ADCY6: variants seen among roughly 807,000 people sequenced by gnomAD.
ADCY6 encodes adenylate cyclase type 6.
ADCY6 carries 59 observed loss-of-function variants against 111.6 expected under a neutral mutation model. The ratio of observed to expected loss-of-function variants is 0.53; its 90% CI spans 0.43 to 0.66. The LOEUF (loss-of-function observed/expected upper bound fraction) is 0.66, where lower values mean the gene tolerates loss of function less well. ADCY6 is among the 30% of genes least tolerant of loss of function. The pLI is 0.00. For missense variants in ADCY6, 1,242 were observed against 1,595.6 expected (o/e 0.78, Z 3.78); for synonymous variants, 576 against 642.9 (o/e 0.90, Z 1.57).
At chr12:48,770,667 G>T in intron 20 of ADCY6, 99 bp downstream of exon 20, 2 of 1,236,102 alleles carry the variant, frequency 1.6e-6, no homozygotes, top group Non-Finnish European at 2.3e-6. Flanking sequence ...CCCCACAGGA[G>T]CCCTGATGGG....
intron 20 of ADCY6, among the ~76,000 whole-genome samples, chr12:48,769,332 G>T (rs1268542751): frequency 1.4e-5 from 2 of 144,706 alleles, no homozygotes; most frequent in African/African-American, 5.1e-5. Flanking sequence ...AGAATAGATT[G>T]ATTGAGCCTG....
At chr12:48,770,617 T>C (rs1941510096) in intron 20 of ADCY6, 149 bp downstream of exon 20, 2 of 742,708 alleles carry the variant, frequency 2.7e-6, no homozygotes, top group East Asian at 2.5e-5. Flanking sequence ...ATCTCTGTTC[T>C]TAATATCAGA....
chr12:48,776,520 G>A lies in ADCY6; in HGVS notation c.1443C>T (p.His481=). 2 of 1,613,958 alleles carry A rather than the reference G, an allele frequency of 1.2e-6. No homozygotes were observed. Among genetic ancestry groups the A allele is most frequent in the Non-Finnish European group, 1.7e-6 (2 of 1,180,024 alleles). The change falls in exon 7 of 22, where the codon CAC becomes CAT. Residue 481 remains histidine (H), a synonymous_variant. Coordinates refer to ENST00000357869, the MANE Select transcript of ADCY6 (RefSeq NM_015270.5). This position sits in a 1 kb window ranked among gnomAD's most constrained non-coding sequence, Gnocchi z 6.1. ...ATTTCCGCAAGCCAAGGACGCCGCA[G>A]TGCACGCGCCCGCTGTGGATGCCCA... ...MRVGIHSGRV[H]CGVLGLRKWQ...
chr12:48,778,872 A>ATTTTTTTTTTTTTTTT (rs1037254707), intron 2 of ADCY6, among the ~76,000 whole-genome samples: 8 of 72,414 alleles, frequency 1.1e-4, no homozygotes, highest in African/African-American at 4.8e-4. Flanking sequence ...TGAATAACAC[A>ATTTTTTTTTTTTTTTT]TTTTTTTTTT....
chr12:48,768,678 G>A lies in ADCY6; in HGVS notation c.3420C>T (p.Gly1140=). The change falls in exon 22 of 22, where the codon GGC becomes GGT. Residue 1140 remains glycine (G), a synonymous_variant. Coordinates refer to ENST00000357869, the MANE Select transcript of ADCY6 (RefSeq NM_015270.5). ...TDLYQVLAAK[G]YQLECRGVVK... The stretch of plus-strand genomic sequence containing the variant: ...CCACCCCTCGACACTCCAGCTGGTA[G>A]CCCTTGGCAGCTAGAACCTGGTACA... 6.2e-7 allele frequency: 1 copy of A among 1,614,164 alleles called. No individual in the cohort carries two copies. The highest frequency in any genetic ancestry group is 8.5e-7 in the Non-Finnish European group (1 of 1,180,022).
intron 9 of ADCY6, 115 bp from the exon 10 acceptor site, chr12:48,775,813 G>C (rs1171385514): frequency 6.6e-7 from 1 of 1,507,316 alleles, no homozygotes; most frequent in African/African-American, 1.4e-5. Context: ...TCCTCTGGGG[G>C]CACTGGGACC....
Position 48,777,835 on chromosome 12 carries a change from T to C in ADCY6, c.1015-99A>G. On this transcript the variant is annotated intron_variant, in intron 3 of 21. Coordinates refer to ENST00000357869, the MANE Select transcript of ADCY6 (RefSeq NM_015270.5). The surrounding 1 kb of genome is among the most constrained non-coding windows in gnomAD (Gnocchi z 4.9). ...TCGCCAGAGCCCTCCTAGACTTCTC[T>C]GAAGACCTGACCTTCCCTTCTGGAC... 2 of 1,533,616 alleles carry C rather than the reference T, an allele frequency of 1.3e-6. No homozygotes were observed. Among genetic ancestry groups the C allele is most frequent in the East Asian group, 2.3e-5 (1 of 44,404 alleles).
rs777923315 is a variant in ADCY6 at position 48,770,949 on chromosome 12, G to A, written c.3073C>T (p.Arg1025Trp). Residue 1025 changes from arginine (R) to tryptophan (W), a missense_variant, in exon 20 of 22, where the codon CGG (arginine) becomes TGG (tryptophan). Around this residue, in one of 4 missense-constraint regions of ADCY6, gnomAD observed 245 missense variants for 371.3 expected, o/e 0.66. Coordinates refer to ENST00000357869, the MANE Select transcript of ADCY6 (RefSeq NM_015270.5). ...FDEIISEERF[R>W]QLEKIKTIGS... ...ATCGTCTTGATCTTTTCCAGCTGCC[G>A]GAACCGCTCCTCGCTGATAATCTGA... 43 of 1,613,958 alleles carry A rather than the reference G, an allele frequency of 2.7e-5. No individual in the cohort carries two copies. Among genetic ancestry groups the A allele is most frequent in the Middle Eastern group, 1.6e-4 (1 of 6,080 alleles).
Position 48,770,847 on chromosome 12 carries a change from G to T in ADCY6, c.3175C>A (p.Leu1059Met), listed in dbSNP as rs781446141. 6.2e-6 allele frequency: 10 copies of T among 1,614,124 alleles called. No homozygotes were observed. In the South Asian group the frequency reaches 1.1e-4, roughly 18 times the overall value. The change falls in exon 20 of 22, where the codon CTG becomes ATG. Residue 1059 changes from leucine (L) to methionine (M), a missense_variant. Leu to Met is a conservative substitution (Grantham distance 15). This residue lies in a region of ADCY6 where 245 missense variants were observed against 371.3 expected (regional missense o/e 0.66). Coordinates refer to ENST00000357869, the MANE Select transcript of ADCY6 (RefSeq NM_015270.5). ...DQVGRSHITALADYAMRLMEQ... is the reference protein window; with the variant it reads ...DQVGRSHITAMADYAMRLMEQ... ...ATGAGCCGCATGGCGTAGTCAGCCA[G>T]GGCAGTGATGTGGGAGCGGCCCACC...
At chr12:48,785,505 G>A (rs1268969838) in intron 1 of ADCY6, among the ~76,000 whole-genome samples, 1 of 152,190 alleles carries the variant, frequency 6.6e-6, no homozygotes, top group Non-Finnish European at 1.5e-5. Flanking sequence ...TGTAATCCCA[G>A]CTATTCGGGA....
chr12:48,770,384 GTT>G (rs775523269), intron 20 of ADCY6, among the ~76,000 whole-genome samples: 1 of 152,084 alleles, frequency 6.6e-6, no homozygotes, highest in Non-Finnish European at 1.5e-5. Flanking sequence ...CCATCCACCA[GTT>G]CATTTGAGAG....
intron 20 of ADCY6, among the ~76,000 whole-genome samples, chr12:48,769,618 G>A (rs1941473406): frequency 7.0e-6 from 1 of 142,822 alleles, no homozygotes; most frequent in African/African-American, 2.6e-5. Context: ...ATGGAGTCTT[G>A]CTCTGTTGCC....
At position 48,776,452 on chromosome 12, in the gene ADCY6, T is replaced by C. The variant is rs1335782692; in HGVS notation, c.1511A>G (p.His504Arg). 2.1e-6 allele frequency: 3 copies of C among 1,400,848 alleles called. No homozygotes were observed. In the Admixed American group the frequency reaches 5.7e-5, roughly 26 times the overall value. 86.8% of individuals were successfully genotyped at this position (1,400,848 alleles called of 1,614,324 possible). ...VWSNDVTLAN[H>R]MEAGGRAGRI... ...CCCAGCCCGGCCTCCTGCCTCCATGTGGTTGGCCAGGGTCACATCATTGGA... is the reference window on the plus strand; with the variant it reads ...CCCAGCCCGGCCTCCTGCCTCCATGCGGTTGGCCAGGGTCACATCATTGGA... Residue 504 changes from histidine to arginine, a missense_variant, in exon 7 of 22, where the codon CAC (histidine) becomes CGC (arginine). By Grantham distance (29) the His-to-Arg change is conservative. Around this residue, in one of 4 missense-constraint regions of ADCY6, gnomAD observed 260 missense variants for 414.6 expected, o/e 0.63. Coordinates refer to ENST00000357869, the MANE Select transcript of ADCY6 (RefSeq NM_015270.5). The surrounding 1 kb of genome is among the most constrained non-coding windows in gnomAD (Gnocchi z 6.1).
Position 48,773,931 on chromosome 12 carries a change from C to T in ADCY6, c.2442+9G>A, listed in dbSNP as rs1462841027. 6.2e-7 allele frequency: 1 copy of T among 1,613,312 alleles called. No individual in the cohort carries two copies. The highest frequency in any genetic ancestry group is 1.1e-5 in the South Asian group (1 of 90,876). ...CAGCCCCCCCACCGCCTGAGCACTG[C>T]TCGAACACCTCAGGAAAGCTGCAGG... On this transcript the variant is annotated intron_variant, in intron 15 of 21. Transcript: ENST00000357869.
Position 48,771,724 on chromosome 12 carries a change from C to T in ADCY6, c.3037G>A (p.Ala1013Thr), listed in dbSNP as rs561692050. 1.3e-5 allele frequency: 21 copies of T among 1,614,100 alleles called. No homozygotes were observed. Among genetic ancestry groups the T allele is most frequent in the Middle Eastern group, 1.6e-4 (1 of 6,062 alleles). Reference protein sequence around the residue: ...ECLRLLNEIIADFDEIISEER... With the variant: ...ECLRLLNEIITDFDEIISEER... ...TGGAAAAGTACCTCATCAAAGTCAG[C>T]GATGATCTCGTTGAGCAGCCGCAGG... Residue 1013 changes from alanine (A) to threonine (T), a missense_variant, in exon 19 of 22, where the codon GCT (alanine) becomes ACT (threonine). Ala to Thr is a moderately conservative substitution (Grantham distance 58). Transcript: ENST00000357869. The surrounding 1 kb of genome is among the most constrained non-coding windows in gnomAD (Gnocchi z 4.3).
Position 48,768,311 on chromosome 12 carries a change from G to T in ADCY6, c.*280C>A. On this transcript the variant is annotated 3_prime_UTR_variant, in exon 22 of 22. Coordinates refer to ENST00000357869, the MANE Select transcript of ADCY6 (RefSeq NM_015270.5). ...GAGGCCTCCCTCTGCTTCTGCTACTGACCCCTCCCCTGCTCCCAAAGGCTG... is the reference window on the plus strand; with the variant it reads ...GAGGCCTCCCTCTGCTTCTGCTACTTACCCCTCCCCTGCTCCCAAAGGCTG... The T allele has an allele frequency of 2.0e-6, 1 of 504,430 alleles. No homozygotes were observed. The highest frequency in any genetic ancestry group is 3.6e-6 in the Non-Finnish European group (1 of 278,326). 31.2% of individuals were successfully genotyped at this position (504,430 alleles called of 1,614,324 possible).
intron 18 of ADCY6, 121 bp downstream of exon 18, chr12:48,772,174 G>A: frequency 1.4e-6 from 2 of 1,454,340 alleles, no homozygotes; most frequent in Non-Finnish European, 1.8e-6. Flanking sequence ...GAGAAGGAAT[G>A]GAACCAGGGT....
Position 48,777,279 on chromosome 12 carries a change from C to A in ADCY6, c.1249-48G>T. 6.3e-7 allele frequency: 1 copy of A among 1,596,354 alleles called. No individual in the cohort carries two copies. Among genetic ancestry groups the A allele is most frequent in the South Asian group, 1.1e-5 (1 of 88,288 alleles). On this transcript the variant is annotated intron_variant, in intron 5 of 21. Coordinates refer to ENST00000357869, the MANE Select transcript of ADCY6 (RefSeq NM_015270.5). The surrounding 1 kb of genome is among the most constrained non-coding windows in gnomAD (Gnocchi z 4.9). ...GAAGGGTAACCTTTACTCTCTTGCC[C>A]ACCCAGCCTGCATGGCCCACCACCC... is the stretch of plus-strand genomic sequence containing the variant.
Position 48,776,247 on chromosome 12 carries a change from T to C in ADCY6, c.1639A>G (p.Ile547Val). The change falls in exon 8 of 22, where the codon ATT becomes GTT. Residue 547 changes from isoleucine to valine, a missense_variant. This residue lies in a region of ADCY6 where 260 missense variants were observed against 414.6 expected (regional missense o/e 0.63). Coordinates refer to ENST00000357869, the MANE Select transcript of ADCY6 (RefSeq NM_015270.5). This position sits in a 1 kb window ranked among gnomAD's most constrained non-coding sequence, Gnocchi z 6.1. ...GCGCCCAGGATGAGGAAAGTCTCAA[T>C]GTGCTGCTCCTTGAGGTACGCGTTG... ...ERNAYLKEQHIETFLILGASQ... is the reference protein window; with the variant it reads ...ERNAYLKEQHVETFLILGASQ... 1.2e-6 allele frequency: 2 copies of C among 1,614,188 alleles called. No homozygotes were observed. Among genetic ancestry groups the C allele is most frequent in the Non-Finnish European group, 1.7e-6 (2 of 1,180,034 alleles).
Sources: gnomAD v4.1 joint callset for allele counts (sites outside exome capture counted in the v4.1 genomes callset) on GRCh38, gnomAD v4.1.1 for gene constraint, gnomAD v4.1.1 regional missense constraint, Gnocchi (gnomAD v3.1) non-coding constraint, MANE v1.5 for transcripts, NCBI Gene and HGNC (gene_info 2026-07-23, HGNC 2026-07-21) for gene names.